Variants in ANKS1B observed in about 807,000 individuals in gnomAD.
The protein encoded by ANKS1B is ankyrin repeat and sterile alpha motif domain-containing protein 1B.
In ANKS1B, 36 loss-of-function variants were observed where a neutral mutation model predicts 148.3. The observed-to-expected ratio is 0.24, with a 90% CI of 0.19 to 0.32. The LOEUF is 0.32. ANKS1B is among the 10% of genes least tolerant of loss of function. ANKS1B has a pLI of 1.00. For missense variants in ANKS1B, 1,157 were observed against 1,542.6 expected (o/e 0.75, Z 4.19); for synonymous variants, 542 against 560.8 (o/e 0.97, Z 0.47).
At chr12:99,456,345 T>A (rs1386399776) in intron 10 of ANKS1B, among the ~76,000 whole-genome samples, 1 of 151,962 alleles carries the variant, frequency 6.6e-6, no homozygotes, top group Non-Finnish European at 1.5e-5. Flanking sequence ...ACAATTCTGG[T>A]AATATGACAA....
At chr12:99,078,770 C>T (rs2048684955) in intron 16 of ANKS1B, among the ~76,000 whole-genome samples, 1 of 126,652 alleles carries the variant, frequency 7.9e-6, no homozygotes, top group Admixed American at 8.7e-5. Flanking sequence ...ACCCCATGGT[C>T]CCCACCGTCT....
At chr12:99,890,428 G>A (rs1603440679) in intron 1 of ANKS1B, among the ~76,000 whole-genome samples, 1 of 152,182 alleles carries the variant, frequency 6.6e-6, no homozygotes, top group South Asian at 2.1e-4. Flanking sequence ...GGCATGTGCT[G>A]TAGATTTCAG....
At position 99,407,693 on chromosome 12, in the gene ANKS1B, T is replaced by G. The variant is rs564150046; in HGVS notation, c.1576-7882A>C. Among the ~76,000 whole-genome samples the G allele has an allele frequency of 2.7e-5, 4 of 146,146 alleles. 1 individual carries two copies. The highest frequency in any genetic ancestry group is 1.0e-4 in the African/African-American group (4 of 38,686). ...ATCAACATACAAAAACCAGTAGCAT[T>G]TCTATATGCCAACAGTGAATAATCA... is the stretch of plus-strand genomic sequence containing the variant. On this transcript the variant is annotated intron_variant, in intron 11 of 26. Transcript: ENST00000683438.
chr12:99,667,339 ACT>A (rs768063011), intron 8 of ANKS1B, among the ~76,000 whole-genome samples: 1 of 151,408 alleles, frequency 6.6e-6, no homozygotes, highest in Non-Finnish European at 1.5e-5. Context: ...ACAGAGCGAG[ACT>A]CTGTCTCAAA....
intron 12 of ANKS1B, among the ~76,000 whole-genome samples, chr12:99,312,029 G>A (rs1376692832): frequency 6.6e-6 from 1 of 152,122 alleles, no homozygotes; most frequent in Non-Finnish European, 1.5e-5. Flanking sequence ...GAAGCATTTG[G>A]AGAAATTTTA....
chr12:99,142,857 G>T (rs893662716), intron 15 of ANKS1B, among the ~76,000 whole-genome samples: 1 of 151,966 alleles, frequency 6.6e-6, no homozygotes, highest in African/African-American at 2.4e-5. Flanking sequence ...AACAGTGAGG[G>T]ATTTCTGGAT....
chr12:98,790,021 T>C (rs1283245607), intron 22 of ANKS1B, among the ~76,000 whole-genome samples: 1 of 152,186 alleles, frequency 6.6e-6, no homozygotes, highest in South Asian at 2.1e-4. Context: ...GTTGTTTTTA[T>C]TTCTCCTTCC....
intron 10 of ANKS1B, among the ~76,000 whole-genome samples, chr12:99,495,650 T>C (rs1166637876): frequency 2.6e-5 from 4 of 152,206 alleles, no homozygotes; most frequent in African/African-American, 9.6e-5. Context: ...TTGATAAAAG[T>C]GCTTCTTATC....
At chr12:99,127,667 C>T (rs979077725) in intron 15 of ANKS1B, among the ~76,000 whole-genome samples, 3 of 152,138 alleles carry the variant, frequency 2.0e-5, no homozygotes. Flanking sequence ...CACCAAGGGC[C>T]GTGTAGTTTT....
At chr12:99,257,439 A>G (rs1263686229) in intron 12 of ANKS1B, among the ~76,000 whole-genome samples, 1 of 152,060 alleles carries the variant, frequency 6.6e-6, no homozygotes, top group African/African-American at 2.4e-5. Flanking sequence ...TATTTAGCCT[A>G]TTCATTTAGG....
intron 8 of ANKS1B, among the ~76,000 whole-genome samples, chr12:99,659,571 T>C (rs1055969966): frequency 6.6e-6 from 1 of 152,100 alleles, no homozygotes; most frequent in Non-Finnish European, 1.5e-5. Flanking sequence ...AAAAACACTT[T>C]TGAGAATAAT....
chr12:98,868,929 T>C (rs372144034), intron 17 of ANKS1B, among the ~76,000 whole-genome samples: 4 of 152,212 alleles, frequency 2.6e-5, no homozygotes, highest in African/African-American at 7.2e-5. Flanking sequence ...ATCTATCTCC[T>C]CAAGAGTCCT....
At position 98,906,436 on chromosome 12, in the gene ANKS1B, G is replaced by A. The variant is rs530127258; in HGVS notation, c.2779-74300C>T. Among the ~76,000 whole-genome samples the A allele has an allele frequency of 8.2e-4, 125 of 152,284 alleles. 1 individual carries two copies. The highest frequency in any genetic ancestry group is 2.9e-3 in the African/African-American group (120 of 41,562). On this transcript the variant is annotated intron_variant, in intron 17 of 26. Coordinates refer to ENST00000683438, the MANE Select transcript of ANKS1B (RefSeq NM_001352186.2). ...GTGACCGAGAGCCCCATGTTCCTGG[G>A]GAGGGAACAGATGCCACTGGAAGCT...
At chr12:99,044,830 G>A (rs1387315648) in intron 17 of ANKS1B, among the ~76,000 whole-genome samples, 3 of 152,132 alleles carry the variant, frequency 2.0e-5, no homozygotes, top group African/African-American at 2.4e-5. Flanking sequence ...AAGCCAGCAG[G>A]GCAGGTATTT....
rs1267802867 is a variant in ANKS1B at position 99,192,922 on chromosome 12, A to G, written c.2420-38527T>C. 2.6e-5 allele frequency among the ~76,000 whole-genome samples: 4 copies of G among 152,164 alleles called. No homozygotes were observed. The South Asian group carries it at 6.2e-4, about 24-fold the overall frequency. On this transcript the variant is annotated intron_variant, in intron 14 of 26. Transcript: ENST00000683438. Reference sequence around the variant, plus strand: ...ACTATATTTTATATAATAATAACTTATGCTACTTTACTCTCCTAGTATTGC... The same window carrying G: ...ACTATATTTTATATAATAATAACTTGTGCTACTTTACTCTCCTAGTATTGC...
intron 15 of ANKS1B, among the ~76,000 whole-genome samples, chr12:99,125,416 G>C (rs2064042402): frequency 6.6e-6 from 1 of 152,180 alleles, no homozygotes; most frequent in African/African-American, 2.4e-5. Context: ...GGTAATGTCA[G>C]AGAAATGTAC....
chr12:99,879,036 A>G (rs973436114), intron 1 of ANKS1B, among the ~76,000 whole-genome samples: 2 of 152,086 alleles, frequency 1.3e-5, no homozygotes, highest in African/African-American at 4.8e-5. Flanking sequence ...TCTGTGTCAT[A>G]TCTAAGAATG....
intron 9 of ANKS1B, among the ~76,000 whole-genome samples, chr12:99,509,507 A>G (rs1334304455): frequency 2.0e-5 from 3 of 151,998 alleles, no homozygotes; most frequent in Non-Finnish European, 4.4e-5. Flanking sequence ...CACCAGCCAC[A>G]ACATTCACAC....
At chr12:99,832,118 G>A (rs183188325) in intron 1 of ANKS1B, among the ~76,000 whole-genome samples, 251 of 152,314 alleles carry the variant, frequency 1.6e-3, no homozygotes, top group African/African-American at 5.6e-3. Context: ...AATATTCATT[G>A]AAGTGTAAAT....
Sources: allele counts gnomAD v4.1 joint callset (sites outside exome capture counted in the v4.1 genomes callset), GRCh38; gene constraint gnomAD v4.1.1; transcripts MANE v1.5; gene names NCBI Gene and HGNC (gene_info 2026-07-23, HGNC 2026-07-21).